Variants in GAL observed in about 807,000 individuals in gnomAD.
GAL encodes galanin peptides.
A neutral mutation model predicts 15.8 loss-of-function variants in GAL; 14 were observed. The ratio of observed to expected loss-of-function variants is 0.89; its 90% CI spans 0.59 to 1.39. The LOEUF is 1.39. Ranked by LOEUF, GAL falls within the 40% of genes most tolerant of loss-of-function variation. The pLI is 0.00. For missense variants in GAL, 176 were observed against 170.4 expected (o/e 1.03, Z -0.18); for synonymous variants, 79 against 73.8 (o/e 1.07, Z -0.36).
chr11:68,684,871 G>T, intron 1 of GAL, 53 bp from the exon 2 acceptor site: 1 of 1,152,674 alleles, frequency 8.7e-7, no homozygotes. Context: ...TCCTTGCCTC[G>T]GGGCGCAGCC....
rs374472664 is a variant in GAL at position 68,688,017 on chromosome 11, C to T, written c.140C>T (p.Ala47Val). The change falls in exon 4 of 6, where the codon GCC becomes GTC. Residue 47 changes from alanine to valine, a missense_variant. Transcript: ENST00000265643. ...NSAGYLLGPH[A>V]VGNHRSFSDK... ...TTCCTCTCTGATCTGCAAACAGATG[C>T]CGTTGGCAACCACAGGTCATTCAGC... 1.2e-5 allele frequency: 20 copies of T among 1,606,162 alleles called. No homozygotes were observed. The African/African-American group carries it at 1.7e-4, about 14-fold the overall frequency.
At chr11:68,686,483 G>A (rs1405153108) in intron 3 of GAL, among the ~76,000 whole-genome samples, 1 of 152,210 alleles carries the variant, frequency 6.6e-6, no homozygotes, top group East Asian at 1.9e-4. Context: ...CAAATGGGGA[G>A]AATGGTGCTC....
intron 4 of GAL, among the ~76,000 whole-genome samples, chr11:68,688,493 G>A (rs1163781007): frequency 1.3e-5 from 2 of 152,204 alleles, no homozygotes; most frequent in East Asian, 1.9e-4. Context: ...GCCAGGCGTG[G>A]TGGTGGGTGC....
chr11:68,687,750 C>T (rs1002455455), intron 3 of GAL, among the ~76,000 whole-genome samples: 1 of 152,170 alleles, frequency 6.6e-6, no homozygotes, highest in African/African-American at 2.4e-5. Flanking sequence ...GCCTCTCCCC[C>T]ACTTCAGGAG....
chr11:68,685,118 T>C lies in GAL; in HGVS notation c.81+114T>C, dbSNP rs1473619908. 1.7e-5 allele frequency: 12 copies of C among 714,026 alleles called. No homozygotes were observed. The Middle Eastern group carries it at 1.2e-3, about 70-fold the overall frequency. 44.2% of individuals were successfully genotyped at this position (714,026 alleles called of 1,614,324 possible). On this transcript the variant is annotated intron_variant, in intron 2 of 5. Coordinates refer to ENST00000265643, the MANE Select transcript of GAL (RefSeq NM_015973.5). ...TGCCCGCGGGGATGGGGGTGGAAAG[T>C]GGAAAGGCGGGCGCTGTCCTGGCTG...
At chr11:68,686,078 C>G (rs2153989761) in intron 3 of GAL, among the ~76,000 whole-genome samples, 1 of 152,316 alleles carries the variant, frequency 6.6e-6, no homozygotes, top group South Asian at 2.1e-4. Context: ...GAAGGCAGCC[C>G]AGACAGGCTC....
intron 5 of GAL, among the ~76,000 whole-genome samples, chr11:68,689,467 G>C (rs150239330): frequency 1.1e-3 from 168 of 151,274 alleles, no homozygotes; most frequent in African/African-American, 4.1e-3. Context: ...TGCAATCTCA[G>C]CTCACTGCAG....
chr11:68,688,209 C>A, intron 4 of GAL, 109 bp downstream of exon 4: 1 of 721,644 alleles, frequency 1.4e-6, no homozygotes, highest in Non-Finnish European at 2.5e-6. Context: ...GCAGCCCAAG[C>A]CTGGCCATGA....
rs934898901 is a variant in GAL, at chr11:68,684,571, C to T, written c.-162C>T. Reference sequence around the variant, plus strand: ...ACCGGGCGGCGGACACGTGGAGGGACCCGGCCCGCGCCTTCTGCCCCTGCT... The same window carrying T: ...ACCGGGCGGCGGACACGTGGAGGGATCCGGCCCGCGCCTTCTGCCCCTGCT... On this transcript the variant is annotated 5_prime_UTR_variant, in exon 1 of 6. Coordinates refer to ENST00000265643, the MANE Select transcript of GAL (RefSeq NM_015973.5). 1 of 192,278 alleles carries T rather than the reference C, an allele frequency of 5.2e-6. No homozygotes were observed. Among genetic ancestry groups the T allele is most frequent in the Non-Finnish European group, 1.1e-5 (1 of 94,564 alleles). The allele number at this position is 192,278 out of a possible 1,614,324, so 11.9% of individuals were successfully genotyped here.
chr11:68,689,197 C>T (rs995899084), intron 5 of GAL, among the ~76,000 whole-genome samples: 35 of 152,066 alleles, frequency 2.3e-4, no homozygotes, highest in Admixed American at 9.2e-4. Flanking sequence ...CAGGGTGCAG[C>T]TCATTCTACT....
Position 68,685,460 on chromosome 11 carries a change from T to C in GAL, c.82-134T>C, listed in dbSNP as rs1426927876. On this transcript the variant is annotated intron_variant, in intron 2 of 5. Coordinates refer to ENST00000265643, the MANE Select transcript of GAL (RefSeq NM_015973.5). ...AATATAGCCGACTTAGGGGTAAACC[T>C]GGAATTTCGCGAGCTATCCAAAAGC... 18 of 682,806 alleles carry C rather than the reference T, an allele frequency of 2.6e-5. No homozygotes were observed. The East Asian group carries it at 4.9e-4, about 19-fold the overall frequency. 42.3% of individuals were successfully genotyped at this position (682,806 alleles called of 1,614,324 possible). A position where few individuals can be genotyped will look rare whatever the true frequency, so the allele number is the denominator to read the frequency against.
intron 3 of GAL, among the ~76,000 whole-genome samples, chr11:68,685,927 G>A (rs1232407826): frequency 6.6e-6 from 1 of 152,172 alleles, no homozygotes; most frequent in Non-Finnish European, 1.5e-5. Flanking sequence ...TACAGGCCCT[G>A]TTCTGGGCCT....
At chr11:68,688,223 G>A (rs1945872921) in intron 4 of GAL, 123 bp downstream of exon 4, 2 of 673,670 alleles carry the variant, frequency 3.0e-6, no homozygotes, top group Non-Finnish European at 2.7e-6. Flanking sequence ...GCCATGACTT[G>A]ACTAAGACGA....
Position 68,691,050 on chromosome 11 carries a change from A to T in GAL, c.*63A>T. ...GAAGTCAAACCTTAAGATAATGGAT[A>T]ATCTTCGGCCAATTTATGCAGAGTC... On this transcript the variant is annotated 3_prime_UTR_variant, in exon 6 of 6. Transcript: ENST00000265643. 1.0e-6 allele frequency: 1 copy of T among 1,003,408 alleles called. No homozygotes were observed. The highest frequency in any genetic ancestry group is 1.6e-6 in the Non-Finnish European group (1 of 625,400). 62.2% of individuals were successfully genotyped at this position (1,003,408 alleles called of 1,614,324 possible). A position where few individuals can be genotyped will look rare whatever the true frequency, so the allele number is the denominator to read the frequency against.
At chr11:68,687,541 A>C (rs1423658373) in intron 3 of GAL, among the ~76,000 whole-genome samples, 1 of 151,396 alleles carries the variant, frequency 6.6e-6, no homozygotes, top group Admixed American at 6.6e-5. Context: ...TCCATCTTGC[A>C]CACAGCTGCC....
At chr11:68,688,664 C>T (rs77581934) in intron 4 of GAL, among the ~76,000 whole-genome samples, 185 bp from the exon 5 acceptor site, 192 of 152,076 alleles carry the variant, frequency 1.3e-3, no homozygotes, top group Non-Finnish European at 2.3e-3. Context: ...AGCGAGGCCT[C>T]GAACTGGATA....
chr11:68,685,610 G>A lies in GAL; in HGVS notation c.98G>A (p.Gly33Asp), dbSNP rs1380829651. The A allele has an allele frequency of 6.2e-7, 1 of 1,613,626 alleles. No individual in the cohort carries two copies. Among genetic ancestry groups the A allele is most frequent in the Admixed American group, 1.7e-5 (1 of 60,016 alleles). Residue 33 changes from glycine (G) to aspartate (D), a missense_variant, in exon 3 of 6, where the codon GGC (glycine) becomes GAC (aspartate). Coordinates refer to ENST00000265643, the MANE Select transcript of GAL (RefSeq NM_015973.5). ...CCCTTCAAGGCCAAGGAAAAACGAG[G>A]CTGGACCCTGAACAGCGCGGGCTAC... ...GLWSPAKEKR[G>D]WTLNSAGYLL... is the part of the protein sequence containing the mutation.
intron 3 of GAL, 88 bp downstream of exon 3, chr11:68,685,736 G>C: frequency 4.5e-6 from 4 of 879,372 alleles, no homozygotes; most frequent in Non-Finnish European, 7.6e-6. Context: ...GCCTGCGGCT[G>C]GGCAGACCCT....
At chr11:68,690,614 T>C (rs1784672107) in intron 5 of GAL, among the ~76,000 whole-genome samples, 2 of 152,328 alleles carry the variant, frequency 1.3e-5, no homozygotes, top group South Asian at 4.1e-4. Context: ...TTCATTTGTT[T>C]TTAATTTTGT....
Sources: gnomAD v4.1 joint callset for allele counts (sites outside exome capture counted in the v4.1 genomes callset) on GRCh38, gnomAD v4.1.1 for gene constraint, MANE v1.5 for transcripts, NCBI Gene and HGNC (gene_info 2026-07-23, HGNC 2026-07-21) for gene names.